The following TMEM181 variants were observed in gnomAD, a reference collection of about 807,000 sequenced individuals.
The protein encoded by TMEM181 is transmembrane protein 181.
TMEM181 carries 39 observed loss-of-function variants against 71.9 expected under a neutral mutation model. The observed-to-expected ratio is 0.54, with a 90% CI of 0.42 to 0.71. The LOEUF is 0.71. Among genes scored for constraint, TMEM181 ranks in the 30% least tolerant of loss-of-function variants. The pLI is 0.00. For synonymous variants in TMEM181, 245 were observed against 228.8 expected, an observed-to-expected ratio of 1.07 and a Z score of -0.64; for missense variants, 595 against 583.0, an observed-to-expected ratio of 1.02 and a Z score of -0.21.
intron 1 of TMEM181, among the ~76,000 whole-genome samples, chr6:158,565,435 G>A (rs1053850063): frequency 1.3e-5 from 2 of 152,226 alleles, no homozygotes; most frequent in Non-Finnish European, 2.9e-5. Context: ...CCAGGTCCCA[G>A]GGAGAAGGTT....
rs773883933 is a variant in TMEM181 at position 158,625,088 on chromosome 6, C to T, written c.955-16C>T. The T allele has an allele frequency of 6.3e-6, 10 of 1,597,664 alleles. No individual in the cohort carries two copies. Among genetic ancestry groups the T allele is most frequent in the Non-Finnish European group, 6.0e-6 (7 of 1,164,958 alleles). On this transcript the variant is annotated splice_polypyrimidine_tract_variant and intron_variant, in intron 11 of 16. Transcript: ENST00000684151. ...AGGCCCTGTTCCGACTCAAGTGCTGCCTTGTGTCCTCCTAGGGAATGAAGG... is the reference window on the plus strand; with the variant it reads ...AGGCCCTGTTCCGACTCAAGTGCTGTCTTGTGTCCTCCTAGGGAATGAAGG...
Position 158,631,904 on chromosome 6 carries a change from G to A in TMEM181, c.*16G>A. 6.4e-7 allele frequency: 1 copy of A among 1,571,860 alleles called. No homozygotes were observed. The highest frequency in any genetic ancestry group is 8.6e-7 in the Non-Finnish European group (1 of 1,157,676). ...TAGTGACTGAGCCCCGGCCAGCCCA[G>A]CGAGGCGACAAGATGCCTGGATGCT... On this transcript the variant is annotated 3_prime_UTR_variant, in exon 17 of 17. Transcript: ENST00000684151.
At chr6:158,609,931 G>A in intron 10 of TMEM181, 1 of 230,940 alleles carries the variant, frequency 4.3e-6, no homozygotes. Flanking sequence ...CTTCTCAGGT[G>A]GAGGAGTACG....
rs940141314 is a variant in TMEM181, at chr6:158,580,790, C to T, written c.113-150C>T. ...GTCTGTGTTTGTGTGTTTATATCTT[C>T]TACTTACACATTGTATAATCTCTAA... On this transcript the variant is annotated intron_variant, in intron 2 of 16. Transcript: ENST00000684151. 20 of 598,084 alleles carry T rather than the reference C, an allele frequency of 3.3e-5. 1 individual carries two copies. In the South Asian group the frequency reaches 4.2e-4, roughly 13 times the overall value. 37.0% of individuals were successfully genotyped at this position (598,084 alleles called of 1,614,324 possible). A position where few individuals can be genotyped will look rare whatever the true frequency, so the allele number is the denominator to read the frequency against.
intron 10 of TMEM181, among the ~76,000 whole-genome samples, chr6:158,615,588 G>A (rs1785568103): frequency 6.6e-6 from 1 of 152,112 alleles, no homozygotes; most frequent in Non-Finnish European, 1.5e-5. Context: ...GCATTGCCTA[G>A]GTTTTCTTCT....
chr6:158,568,486 G>A (rs1328893653), intron 1 of TMEM181, among the ~76,000 whole-genome samples: 1 of 152,134 alleles, frequency 6.6e-6, no homozygotes. Context: ...GGACGACAGA[G>A]ATGAGGAGAG....
intron 1 of TMEM181, among the ~76,000 whole-genome samples, chr6:158,553,403 TTC>T (rs1362942858): frequency 6.6e-6 from 1 of 152,238 alleles, no homozygotes; most frequent in Admixed American, 6.5e-5. Flanking sequence ...CATCAGTTAT[TTC>T]TCTGTTAACC....
In TMEM181 at chr6:158,629,818, T is replaced by G; in HGVS notation, c.1281T>G (p.Tyr427Ter). 6.2e-7 allele frequency: 1 copy of G among 1,613,596 alleles called. No homozygotes were observed. Among genetic ancestry groups the G allele is most frequent in the Non-Finnish European group, 8.5e-7 (1 of 1,179,488 alleles). The change falls in exon 15 of 17, where the codon TAT (tyrosine) becomes TAG (stop). Residue 427 changes from tyrosine to a stop codon, truncating the protein, a stop_gained and splice_region_variant. Coordinates refer to ENST00000684151, the MANE Select transcript of TMEM181 (RefSeq NM_001376852.1). LOFTEE classifies it high-confidence loss of function. Reference protein sequence around the residue: ...FVYSPSKNALYESQLKDNPAF... With the variant: ...FVYSPSKNAL ...ATTCTCCATCGAAGAATGCCCTCTA[T>G]GGTAAGCCACCCTGGGGTCTGGACT...
chr6:158,567,898 G>A (rs143522385), intron 1 of TMEM181, among the ~76,000 whole-genome samples: 1 of 152,282 alleles, frequency 6.6e-6, no homozygotes, highest in Non-Finnish European at 1.5e-5. Flanking sequence ...TTGTGGGGAA[G>A]GATCTCGGGG....
intron 5 of TMEM181, among the ~76,000 whole-genome samples, chr6:158,585,979 C>T (rs898175959): frequency 2.6e-5 from 4 of 152,172 alleles, no homozygotes; most frequent in Admixed American, 1.3e-4. Context: ...CGTATGCTAC[C>T]AGGGCTGACT....
rs1242716065 is a variant in TMEM181, at chr6:158,635,150, A to G, written c.*3262A>G. 1 of 152,218 alleles carries G rather than the reference A, an allele frequency of 6.6e-6. No homozygotes were observed. Among genetic ancestry groups the G allele is most frequent in the Non-Finnish European group, 1.5e-5 (1 of 68,040 alleles). The allele number at this position is 152,218 out of a possible 1,614,324, so 9.4% of individuals were successfully genotyped here. A position where few individuals can be genotyped will look rare whatever the true frequency, so the allele number is the denominator to read the frequency against. On this transcript the variant is annotated 3_prime_UTR_variant, in exon 17 of 17. Transcript: ENST00000684151. ...GAGATACGCTAGTAACTGTGATACC[A>G]TACTATAAAACAGAAGAATTTTCTG...
Position 158,583,960 on chromosome 6 carries a change from C to T in TMEM181, c.175C>T (p.Pro59Ser). The T allele has an allele frequency of 6.2e-7, 1 of 1,601,908 alleles. No individual in the cohort carries two copies. Among genetic ancestry groups the T allele is most frequent in the Non-Finnish European group, 8.5e-7 (1 of 1,173,928 alleles). The change falls in exon 4 of 17, where the codon CCA (proline) becomes TCA (serine). Residue 59 changes from proline to serine, a missense_variant. Physicochemically the swap from Pro to Ser is moderately conservative, Grantham distance 74. Transcript: ENST00000684151. ...TTTGTTTTTTTTTCTTCAGCTAAAG[C>T]CAATTCAAATACTTTCAAATCCACT... ...FSLNNSKKLK[P>S]IQILSNPLST... is the part of the protein sequence containing the mutation.
At chr6:158,573,689 G>A (rs1783004976) in intron 2 of TMEM181, among the ~76,000 whole-genome samples, 166 bp downstream of exon 2, 1 of 152,206 alleles carries the variant, frequency 6.6e-6, no homozygotes, top group Admixed American at 6.5e-5. Flanking sequence ...GCTTCTAGCT[G>A]CTCTGTCTCT....
chr6:158,599,488 T>C (rs1784554907), intron 6 of TMEM181, among the ~76,000 whole-genome samples: 1 of 152,286 alleles, frequency 6.6e-6, no homozygotes, highest in African/African-American at 2.4e-5. Context: ...CGGAGTATTT[T>C]CTGGGAACTG....
At chr6:158,540,366 G>A (rs1010896393) in intron 1 of TMEM181, among the ~76,000 whole-genome samples, 23 of 152,188 alleles carry the variant, frequency 1.5e-4, no homozygotes, top group African/African-American at 5.6e-4. Context: ...TTGCTGTCGG[G>A]TATATGCCCT....
chr6:158,603,034 G>C (rs929683208), intron 6 of TMEM181, among the ~76,000 whole-genome samples: 1 of 152,008 alleles, frequency 6.6e-6, no homozygotes, highest in South Asian at 2.1e-4. Context: ...TTTCTCTCAC[G>C]GTGCTTCTTG....
At chr6:158,577,737 A>ATACC (rs1487432468) in intron 2 of TMEM181, among the ~76,000 whole-genome samples, 1 of 152,206 alleles carries the variant, frequency 6.6e-6, no homozygotes, top group African/African-American at 2.4e-5. Context: ...TTGTCAGCAG[A>ATACC]TACCTCATCA....
At position 158,607,338 on chromosome 6, in the gene TMEM181, A is replaced by G. The variant is rs746230866; in HGVS notation, c.668A>G (p.Tyr223Cys). 1 of 1,613,886 alleles carries G rather than the reference A, an allele frequency of 6.2e-7. No homozygotes were observed. Among genetic ancestry groups the G allele is most frequent in the Non-Finnish European group, 8.5e-7 (1 of 1,179,750 alleles). The change falls in exon 8 of 17, where the codon TAC becomes TGC. Residue 223 changes from tyrosine to cysteine, a missense_variant. Transcript: ENST00000684151. Reference protein sequence around the residue: ...MSVLLPLLLLYNDPFFPLSFL... With the variant: ...MSVLLPLLLLCNDPFFPLSFL... ...GTTCTCCTGCCTCTGCTGCTACTTT[A>G]CAATGGTGGGTAGTTCCATTTTTAC...
intron 3 of TMEM181, among the ~76,000 whole-genome samples, chr6:158,583,387 C>G (rs1306291061): frequency 1.3e-5 from 2 of 151,976 alleles, no homozygotes; most frequent in Non-Finnish European, 2.9e-5. Flanking sequence ...TGTATTGTCC[C>G]CAAGGGTCCC....
Sources: allele counts gnomAD v4.1 joint callset (sites outside exome capture counted in the v4.1 genomes callset), GRCh38; gene constraint gnomAD v4.1.1; transcripts MANE v1.5; gene names NCBI Gene and HGNC (gene_info 2026-07-23, HGNC 2026-07-21).